The following ALS2 variants were observed in gnomAD, a reference collection of about 807,000 sequenced individuals.
The protein encoded by ALS2 is alsin.
In ALS2, 117 loss-of-function variants were observed where a neutral mutation model predicts 203.4. The ratio of observed to expected loss-of-function variants is 0.58; its 90% CI spans 0.50 to 0.67. ALS2 has a LOEUF of 0.67. ALS2 is among the 30% of genes least tolerant of loss of function. The pLI is 0.00. For synonymous variants in ALS2, 718 were observed against 725.9 expected (o/e 0.99, Z 0.17); for missense variants, 1,715 against 1,989.4 (o/e 0.86, Z 2.62).
intron 3 of ALS2, among the ~76,000 whole-genome samples, chr2:201,766,547 G>C (rs190909260): frequency 6.6e-6 from 1 of 151,716 alleles, no homozygotes. Context: ...TACTCGGGAG[G>C]CTGAGGCAGG....
chr2:201,724,991 G>A (rs988709616), intron 20 of ALS2, among the ~76,000 whole-genome samples: 31 of 151,758 alleles, frequency 2.0e-4, no homozygotes, highest in African/African-American at 7.2e-4. Context: ...CGGGCGCCTG[G>A]AGTCCCACCT....
At chr2:201,760,046 G>T in intron 4 of ALS2, 1 of 972,406 alleles carries the variant, frequency 1.0e-6, no homozygotes, top group Non-Finnish European at 1.2e-6. Flanking sequence ...AAATAGGCTG[G>T]GCATGATGGC....
intron 2 of ALS2, 29 bp from the exon 3 acceptor site, chr2:201,767,412 G>T (rs1471486303): frequency 1.2e-6 from 2 of 1,612,010 alleles, no homozygotes; most frequent in Non-Finnish European, 1.7e-6. Flanking sequence ...TAGCTTAATT[G>T]TTTCTACAAT....
intron 24 of ALS2, among the ~76,000 whole-genome samples, chr2:201,717,845 C>T (rs879588697): frequency 8.6e-5 from 13 of 151,762 alleles, no homozygotes; most frequent in African/African-American, 2.4e-4. Context: ...GAAGCTGATG[C>T]GGGAGGATCA....
At position 201,757,424 on chromosome 2, in the gene ALS2, G is replaced by A; in HGVS notation, c.1449C>T (p.Ser483=). 1 of 1,613,946 alleles carries A rather than the reference G, an allele frequency of 6.2e-7. No homozygotes were observed. Residue 483 remains serine, a synonymous_variant, in exon 5 of 34, where the codon TCC becomes TCT. Transcript: ENST00000264276. ...EETEGGSRRL[S]LPGLLSQVSP... ...TACCTTGTGACAACAATCCAGGGAG[G>A]GAGAGTCTTCGACTGCCTCCCTCTG...
At position 201,761,268 on chromosome 2, in the gene ALS2, C is replaced by T; in HGVS notation, c.726G>A (p.Met242Ile). Reference protein sequence around the residue: ...CNQCSQLLITMTDKEDHVIIS... With the variant: ...CNQCSQLLITITDKEDHVIIS... ...TAATCACATGGTCTTCTTTGTCAGT[C>T]ATAGTAATCAAGAGCTGGCTGCACT... The change falls in exon 4 of 34, where the codon ATG becomes ATA. Residue 242 changes from methionine (M) to isoleucine (I), a missense_variant. Met to Ile is a conservative substitution (Grantham distance 10). Coordinates refer to ENST00000264276, the MANE Select transcript of ALS2 (RefSeq NM_020919.4). 1 of 1,614,122 alleles carries T rather than the reference C, an allele frequency of 6.2e-7. No individual in the cohort carries two copies. The highest frequency in any genetic ancestry group is 8.5e-7 in the Non-Finnish European group (1 of 1,180,030).
In ALS2 at chr2:201,757,387, T is replaced by C. The variant is rs1438099620; in HGVS notation, c.1471+15A>G. 4 of 1,605,958 alleles carry C rather than the reference T, an allele frequency of 2.5e-6. No homozygotes were observed. The highest frequency in any genetic ancestry group is 1.7e-4 in the Middle Eastern group (1 of 6,030). ...TCCCCAAAAGTCAATTCACAAAACC[T>C]AGTTATTTCCTTACCTTGTGACAAC... On this transcript the variant is annotated intron_variant, in intron 5 of 33. Transcript: ENST00000264276.
At chr2:201,727,618 G>T in intron 16 of ALS2, 87 bp downstream of exon 16, 1 of 1,151,026 alleles carries the variant, frequency 8.7e-7, no homozygotes, top group Non-Finnish European at 1.2e-6. Context: ...TGTCTCCGAA[G>T]CCTTCCTGAG....
chr2:201,760,841 A>T, intron 4 of ALS2, 40 bp downstream of exon 4: 1 of 1,593,498 alleles, frequency 6.3e-7, no homozygotes, highest in Middle Eastern at 1.7e-4. Flanking sequence ...ATACAGTTCA[A>T]CTCTAGACAC....
At chr2:201,762,763 A>T (rs760642395) in intron 3 of ALS2, 1 of 152,488 alleles carries the variant, frequency 6.6e-6, no homozygotes, top group Non-Finnish European at 1.5e-5. Context: ...GGGCAGCAGG[A>T]GGGCCCAGAG....
chr2:201,739,123 C>T (rs1212986574), intron 11 of ALS2, among the ~76,000 whole-genome samples: 3 of 148,972 alleles, frequency 2.0e-5, no homozygotes, highest in African/African-American at 7.4e-5. Context: ...CCTGTAGTCT[C>T]AACTACTTGG....
At chr2:201,774,625 A>C (rs1034294871) in intron 1 of ALS2, among the ~76,000 whole-genome samples, 1 of 151,496 alleles carries the variant, frequency 6.6e-6, no homozygotes, top group Admixed American at 6.6e-5. Context: ...CTATGTATTC[A>C]TCTCTACTCA....
chr2:201,753,778 G>A (rs1693216395), intron 6 of ALS2, among the ~76,000 whole-genome samples: 1 of 152,106 alleles, frequency 6.6e-6, no homozygotes, highest in African/African-American at 2.4e-5. Flanking sequence ...CAGTGGCAGA[G>A]ACATCTTTCA....
intron 1 of ALS2, among the ~76,000 whole-genome samples, chr2:201,773,712 G>T (rs184915703): frequency 4.5e-4 from 68 of 152,292 alleles, no homozygotes; most frequent in African/African-American, 1.5e-3. Flanking sequence ...CAAGACAATA[G>T]ATAATGTCAT....
At chr2:201,778,459 C>T (rs530325820) in intron 1 of ALS2, 3 of 152,184 alleles carry the variant, frequency 2.0e-5, no homozygotes, top group South Asian at 2.1e-4. Flanking sequence ...ATCAGTTCAG[C>T]TACATGCAGG....
chr2:201,749,948 T>C (rs1692929402), intron 7 of ALS2, among the ~76,000 whole-genome samples, 159 bp from the exon 8 acceptor site: 1 of 152,164 alleles, frequency 6.6e-6, no homozygotes, highest in African/African-American at 2.4e-5. Context: ...TTAAGGAAAT[T>C]CATTTTTAAC....
chr2:201,727,859 C>A, intron 15 of ALS2, 84 bp from the exon 16 acceptor site: 2 of 1,257,868 alleles, frequency 1.6e-6, no homozygotes, highest in Admixed American at 2.0e-5. Flanking sequence ...ATGTCATTAA[C>A]CCACATGGGC....
intron 9 of ALS2, 85 bp from the exon 10 acceptor site, chr2:201,744,514 G>T (rs1692497678): frequency 7.4e-7 from 1 of 1,346,526 alleles, no homozygotes; most frequent in South Asian, 1.2e-5. Flanking sequence ...TATATCAGCT[G>T]ACAAGAGCTA....
intron 4 of ALS2, 114 bp downstream of exon 4, chr2:201,760,767 C>A: frequency 1.4e-6 from 2 of 1,453,750 alleles, no homozygotes; most frequent in South Asian, 1.5e-5. Flanking sequence ...AAATTATAAT[C>A]AAACTCAAAA....
Sources: gnomAD v4.1 joint callset for allele counts (sites outside exome capture counted in the v4.1 genomes callset) on GRCh38, gnomAD v4.1.1 for gene constraint, MANE v1.5 for transcripts, NCBI Gene and HGNC (gene_info 2026-07-23, HGNC 2026-07-21) for gene names.